The following RAD51B variants were observed in gnomAD, a reference collection of about 807,000 sequenced individuals.
RAD51B encodes RAD51 paralog B.
A neutral mutation model predicts 42.2 loss-of-function variants in RAD51B; 38 were observed. The ratio of observed to expected loss-of-function variants is 0.90; its 90% CI spans 0.70 to 1.18. The LOEUF (loss-of-function observed/expected upper bound fraction) is 1.18. RAD51B is among the 50% of genes most tolerant of loss of function. The pLI, the probability that RAD51B is intolerant of heterozygous loss-of-function variation, is 0.00. For synonymous variants in RAD51B, 154 were observed against 145.2 expected (o/e 1.06, Z -0.43); for missense variants, 373 against 400.7 (o/e 0.93, Z 0.59).
chr14:68,230,851 G>A (rs1040712421), intron 7 of RAD51B, among the ~76,000 whole-genome samples: 2 of 152,190 alleles, frequency 1.3e-5, no homozygotes, highest in African/African-American at 4.8e-5. Context: ...GTTGCTTGGA[G>A]TAGAATAAAT....
At chr14:67,999,673 A>G (rs2075445454) in intron 7 of RAD51B, among the ~76,000 whole-genome samples, 2 of 152,228 alleles carry the variant, frequency 1.3e-5, no homozygotes, top group South Asian at 4.1e-4. Flanking sequence ...AGGTTAAATT[A>G]AAATTCTTTT....
rs936074451 is a variant in RAD51B, at chr14:68,595,720, A to C, written c.*1117A>C. 4.7e-5 allele frequency: 35 copies of C among 740,900 alleles called. No homozygotes were observed. In the South Asian group the frequency reaches 5.2e-4, roughly 11 times the overall value. The allele number at this position is 740,900 out of a possible 1,614,324, so 45.9% of individuals were successfully genotyped here. ...TAACATCTATACGATGGAATACTAG[A>C]TGGTCATTAAAATTATGTGTCAGAA... On this transcript the variant is annotated 3_prime_UTR_variant, in exon 11 of 11. Coordinates refer to the RAD51B transcript ENST00000487270.
intron 7 of RAD51B, among the ~76,000 whole-genome samples, chr14:67,971,964 C>G (rs917217073): frequency 2.0e-5 from 3 of 151,404 alleles, no homozygotes; most frequent in Admixed American, 1.3e-4. Context: ...CACAACAGTG[C>G]ATTTTTCTAC....
chr14:68,148,531 C>CT (rs1203318271), intron 7 of RAD51B, among the ~76,000 whole-genome samples: 1 of 152,218 alleles, frequency 6.6e-6, no homozygotes, highest in Non-Finnish European at 1.5e-5. Context: ...TGTTCCCCAA[C>CT]TTACAATGGT....
chr14:68,616,660 G>A (rs1372580459), intron 10 of RAD51B, among the ~76,000 whole-genome samples: 1 of 152,052 alleles, frequency 6.6e-6, no homozygotes, highest in Admixed American at 6.6e-5. Context: ...TTTCAGCCTT[G>A]ATTTTTGTCA....
chr14:68,252,891 G>A (rs1236521024), intron 7 of RAD51B, among the ~76,000 whole-genome samples: 1 of 152,098 alleles, frequency 6.6e-6, no homozygotes, highest in East Asian at 1.9e-4. Context: ...GACCAGCCTA[G>A]CCAACATGGC....
intron 9 of RAD51B, among the ~76,000 whole-genome samples, chr14:68,462,185 C>G (rs1479004381): frequency 6.6e-6 from 1 of 152,146 alleles, no homozygotes; most frequent in African/African-American, 2.4e-5. Flanking sequence ...TCTGCCTGGC[C>G]CAGAGTGTGG....
intron 10 of RAD51B, among the ~76,000 whole-genome samples, chr14:68,513,497 T>G (rs11844674): frequency 0.022 from 3,308 of 152,330 alleles, 120 homozygotes; most frequent in African/African-American, 0.074. Flanking sequence ...CCAGCTGGGC[T>G]GTTTGGCCAC....
intron 7 of RAD51B, among the ~76,000 whole-genome samples, chr14:68,022,352 A>T (rs559283591): frequency 1.3e-5 from 2 of 152,242 alleles, no homozygotes; most frequent in African/African-American, 4.8e-5. Flanking sequence ...ACCCAGATTG[A>T]TACTATGTCT....
chr14:67,895,966 G>A (rs1041663570), intron 7 of RAD51B, among the ~76,000 whole-genome samples: 18 of 151,878 alleles, frequency 1.2e-4, no homozygotes, highest in Admixed American at 9.8e-4. Flanking sequence ...ACCTTCTTTT[G>A]TAGTACACAT....
intron 7 of RAD51B, among the ~76,000 whole-genome samples, chr14:67,976,781 G>A (rs993391396): frequency 2.6e-5 from 4 of 152,088 alleles, no homozygotes; most frequent in South Asian, 4.1e-4. Context: ...AACAGGCATC[G>A]TACAGAATGG....
intron 7 of RAD51B, among the ~76,000 whole-genome samples, chr14:68,130,892 T>TTGTG (rs531162923): frequency 1.3e-5 from 2 of 150,990 alleles, no homozygotes; most frequent in Non-Finnish European, 1.5e-5. Context: ...GGGTGTGTGT[T>TTGTG]TGTGTGTGTG....
intron 7 of RAD51B, chr14:68,000,253 G>A (rs993910985): frequency 1.3e-5 from 2 of 152,054 alleles, no homozygotes; most frequent in Non-Finnish European, 2.9e-5. Flanking sequence ...AAACTCCAGA[G>A]CTCATTCCCG....
intron 9 of RAD51B, among the ~76,000 whole-genome samples, chr14:68,465,326 C>CT (rs2085947917): frequency 6.6e-6 from 1 of 152,050 alleles, no homozygotes; most frequent in African/African-American, 2.4e-5. Flanking sequence ...AGTTTAGGCC[C>CT]TTATCATCTC....
At chr14:68,040,359 T>A (rs2076199674) in intron 7 of RAD51B, among the ~76,000 whole-genome samples, 1 of 152,350 alleles carries the variant, frequency 6.6e-6, no homozygotes, top group Non-Finnish European at 1.5e-5. Flanking sequence ...GTACCGCTTG[T>A]ACTTTTATTT....
At chr14:68,678,782 G>A (rs1184885856) in intron 11 of RAD51B, among the ~76,000 whole-genome samples, 1 of 152,174 alleles carries the variant, frequency 6.6e-6, no homozygotes, top group African/African-American at 2.4e-5. Context: ...CAGTCCATCT[G>A]GAACTCTAGC....
chr14:68,538,897 G>A (rs34636650), intron 10 of RAD51B, among the ~76,000 whole-genome samples: 27,745 of 151,952 alleles, frequency 0.18, 3,246 homozygotes, highest in Non-Finnish European at 0.27. Context: ...GGCCACTGAG[G>A]GCATTTGAGT....
chr14:67,898,042 TA>T (rs1658141186), intron 7 of RAD51B, among the ~76,000 whole-genome samples: 1 of 152,154 alleles, frequency 6.6e-6, no homozygotes, highest in African/African-American at 2.4e-5. Context: ...AAGATAGGAC[TA>T]CCATATGATC....
At chr14:68,631,358 G>A (rs531686223) in intron 10 of RAD51B, among the ~76,000 whole-genome samples, 46 of 152,274 alleles carry the variant, frequency 3.0e-4, no homozygotes, top group African/African-American at 1.0e-3. Context: ...GAACAGAACC[G>A]TCCCTCATAA....
Sources: gnomAD v4.1 joint callset for allele counts (sites outside exome capture counted in the v4.1 genomes callset) on GRCh38, gnomAD v4.1.1 for gene constraint, MANE v1.5 for transcripts, NCBI Gene and HGNC (gene_info 2026-07-23, HGNC 2026-07-21) for gene names.